SPNS1: variants seen among roughly 807,000 people sequenced by gnomAD.
SPNS1 encodes the protein protein spinster homolog 1.
A neutral mutation model predicts 50.3 loss-of-function variants in SPNS1; 22 were observed. That is an observed-to-expected ratio of 0.44 (90% CI 0.31 to 0.62). The LOEUF (loss-of-function observed/expected upper bound fraction) is 0.62. SPNS1 is among the 20% of genes least tolerant of loss of function. SPNS1 has a pLI of 0.07. For missense variants in SPNS1, 576 were observed against 728.6 expected, an observed-to-expected ratio of 0.79 and a Z score of 2.41; for synonymous variants, 295 against 317.4, an observed-to-expected ratio of 0.93 and a Z score of 0.75.
At chr16:28,978,464 C>G (rs1254894925) in intron 3 of SPNS1, 2 of 172,780 alleles carry the variant, frequency 1.2e-5, no homozygotes, top group African/African-American at 4.7e-5. Context: ...CCACTGACTT[C>G]TGCTCCCACC....
In SPNS1 at chr16:28,979,463, G is replaced by T. The variant is rs565621866; in HGVS notation, c.655G>T (p.Ala219Ser). 4 of 1,614,134 alleles carry T rather than the reference G, an allele frequency of 2.5e-6. No homozygotes were observed. Among genetic ancestry groups the T allele is most frequent in the Non-Finnish European group, 3.4e-6 (4 of 1,180,034 alleles). The change falls in exon 5 of 12, where the codon GCT (alanine) becomes TCT (serine). Residue 219 changes from alanine (A) to serine (S), a missense_variant. Ala to Ser is a moderately conservative substitution (Grantham distance 99, BLOSUM62 1). Around this residue, in one of 3 missense-constraint regions of SPNS1, gnomAD observed 428 missense variants for 520.1 expected, o/e 0.82. Coordinates refer to ENST00000311008, the MANE Select transcript of SPNS1 (RefSeq NM_032038.3). The part of the protein sequence containing the change: ...VKDMAGDWHW[A>S]LRVTPGLGVV... ...GGATATGGCTGGAGACTGGCACTGG[G>T]CTCTGAGGGTGAGTCTGGTCTTGGC...
Position 28,981,797 on chromosome 16 carries a change from G to T in SPNS1, c.810-104G>T. ...CTGGGAGCCAGAACCACCTCTGCAC[G>T]GTGTTGTGACCTTACTAAAATAAGC... On this transcript the variant is annotated intron_variant, in intron 6 of 11. Transcript: ENST00000311008. This position sits in a 1 kb window ranked among gnomAD's most constrained non-coding sequence, Gnocchi z 4.2. 6.5e-7 allele frequency: 1 copy of T among 1,529,040 alleles called. No homozygotes were observed. The allele number at this position is 1,529,040 out of a possible 1,614,324, so 94.7% of individuals were successfully genotyped here. A position where few individuals can be genotyped will look rare whatever the true frequency, so the allele number is the denominator to read the frequency against.
At chr16:28,980,885 G>A (rs532907448) in intron 5 of SPNS1, among the ~76,000 whole-genome samples, 6 of 151,850 alleles carry the variant, frequency 4.0e-5, no homozygotes, top group East Asian at 3.9e-4. Context: ...CAAACAAACC[G>A]TAAGCCCCCT....
At position 28,975,143 on chromosome 16, in the gene SPNS1, C is replaced by A. The variant is rs1249879950; in HGVS notation, c.-9C>A. On this transcript the variant is annotated 5_prime_UTR_variant, in exon 1 of 12. Transcript: ENST00000311008. The stretch of plus-strand genomic sequence containing the variant: ...ACCGGAGCGCGGGCGGGCGCGGCCC[C>A]CCGGGACCATGGCCGGGTCCGACAC... 1.3e-6 allele frequency: 2 copies of A among 1,482,972 alleles called. No individual in the cohort carries two copies. Among genetic ancestry groups the A allele is most frequent in the African/African-American group, 1.4e-5 (1 of 71,200 alleles). The allele number at this position is 1,482,972 out of a possible 1,614,324, so 91.9% of individuals were successfully genotyped here. A position where few individuals can be genotyped will look rare whatever the true frequency, so the allele number is the denominator to read the frequency against.
chr16:28,984,057 C>T (rs946873671), intron 11 of SPNS1, 100 bp downstream of exon 11: 2 of 1,465,416 alleles, frequency 1.4e-6, no homozygotes, highest in African/African-American at 1.4e-5. Context: ...GTCCACAGCC[C>T]TCCCCTTGTT....
In SPNS1 at chr16:28,975,574, C is replaced by A; in HGVS notation, c.307+17C>A. On this transcript the variant is annotated intron_variant, in intron 2 of 11. Coordinates refer to ENST00000311008, the MANE Select transcript of SPNS1 (RefSeq NM_032038.3). The stretch of plus-strand genomic sequence containing the variant: ...TCCAGACCGGTGAGTGGGGACCACT[C>A]CTGGTCACACAGCCGCTCCTCCTTC... The A allele has an allele frequency of 6.2e-7, 1 of 1,613,712 alleles. No homozygotes were observed. Among genetic ancestry groups the A allele is most frequent in the Non-Finnish European group, 8.5e-7 (1 of 1,179,640 alleles).
At position 28,984,349 on chromosome 16, in the gene SPNS1, C is replaced by G. The variant is rs1965682356; in HGVS notation, c.*50C>G. 6.4e-7 allele frequency: 1 copy of G among 1,569,404 alleles called. No individual in the cohort carries two copies. The highest frequency in any genetic ancestry group is 1.1e-5 in the South Asian group (1 of 88,994). On this transcript the variant is annotated 3_prime_UTR_variant, in exon 12 of 12. Coordinates refer to ENST00000311008, the MANE Select transcript of SPNS1 (RefSeq NM_032038.3). ...CATCTGCCACAGCTGGCCCTGGGCCCACCCCACGAAGGGCCTGGGCCTAAC... is the reference window on the plus strand; with the variant it reads ...CATCTGCCACAGCTGGCCCTGGGCCGACCCCACGAAGGGCCTGGGCCTAAC...
chr16:28,984,742 T>A (rs1965698370), downstream of SPNS1: 1 of 906,628 alleles, frequency 1.1e-6, no homozygotes, highest in South Asian at 1.4e-5. Context: ...CGCCCCTGCT[T>A]CCCTGGAGCC....
At chr16:28,977,338 A>AAAAAGT (rs1965379722) in intron 2 of SPNS1, among the ~76,000 whole-genome samples, 1 of 151,848 alleles carries the variant, frequency 6.6e-6, no homozygotes, top group Admixed American at 6.6e-5. Flanking sequence ...AAAAAAGAGA[A>AAAAAGT]AAAAGTAAAT....
At position 28,981,030 on chromosome 16, in the gene SPNS1, T is replaced by C. The variant is rs1596752320; in HGVS notation, c.664-440T>C. Reference sequence around the variant, plus strand: ...TGTGTTAACATCATTCTTAAGGACGTGAGAACTCCAGATGATTACCTTTCC... The same window carrying C: ...TGTGTTAACATCATTCTTAAGGACGCGAGAACTCCAGATGATTACCTTTCC... On this transcript the variant is annotated intron_variant, in intron 5 of 11. Coordinates refer to ENST00000311008, the MANE Select transcript of SPNS1 (RefSeq NM_032038.3). The surrounding 1 kb of genome is among the most constrained non-coding windows in gnomAD (Gnocchi z 4.2). Among the ~76,000 whole-genome samples the C allele has an allele frequency of 6.6e-6, 1 of 152,332 alleles. No individual in the cohort carries two copies. Among genetic ancestry groups the C allele is most frequent in the Middle Eastern group, 3.4e-3 (1 of 294 alleles).
In SPNS1 at chr16:28,983,723, G is replaced by A. The variant is rs11862178; in HGVS notation, c.1321-63G>A. 4,854 of 1,496,952 alleles carry A rather than the reference G, an allele frequency of 3.2e-3. 150 individuals are homozygous for A. In the African/African-American group the frequency reaches 0.06, roughly 18 times the overall value. 92.7% of individuals were successfully genotyped at this position (1,496,952 alleles called of 1,614,324 possible). On this transcript the variant is annotated intron_variant, in intron 10 of 11. Transcript: ENST00000311008. This position sits in a 1 kb window ranked among gnomAD's most constrained non-coding sequence, Gnocchi z 5.4. ...GTCTTTCTCCCTGGAGCTCAGGGGCGTGCCCTCCCTGGTTCATCCATGAGG... is the reference window on the plus strand; with the variant it reads ...GTCTTTCTCCCTGGAGCTCAGGGGCATGCCCTCCCTGGTTCATCCATGAGG...
rs2141666052 is a variant in SPNS1, at chr16:28,978,057, G to A, written c.444+13G>A. 6.2e-7 allele frequency: 1 copy of A among 1,610,874 alleles called. No individual in the cohort carries two copies. Among genetic ancestry groups the A allele is most frequent in the African/African-American group, 1.3e-5 (1 of 74,962 alleles). On this transcript the variant is annotated intron_variant, in intron 3 of 11. Transcript: ENST00000311008. ...CATCCCCGGAGAGGTGAGGCCCCAA[G>A]CTGGCTCCTGTTTCTGCCCACACCC...
chr16:28,979,649 C>T (rs1421073012), intron 5 of SPNS1, 178 bp downstream of exon 5: 11 of 653,910 alleles, frequency 1.7e-5, no homozygotes, highest in African/African-American at 1.8e-5. Flanking sequence ...CGCCTGAGCT[C>T]AAGTGATCCT....
intron 2 of SPNS1, among the ~76,000 whole-genome samples, chr16:28,976,025 A>C (rs1965329204): frequency 3.9e-5 from 6 of 152,186 alleles, no homozygotes; most frequent in Admixed American, 3.9e-4. Flanking sequence ...TAGTCCCAGC[A>C]CTTTGGGAGG....
chr16:28,974,860 C>A lies in SPNS1; in HGVS notation c.-292C>A, dbSNP rs1351974479. 6 of 1,535,410 alleles carry A rather than the reference C, an allele frequency of 3.9e-6. No homozygotes were observed. The Admixed American group carries it at 5.9e-5, about 15-fold the overall frequency. ...ACAGCAAGTGCAGCGGGCTCCTACC[C>A]CGGGTGAGGGGTGGCCTCCGCGTGG... On this transcript the variant is annotated 5_prime_UTR_variant, in exon 1 of 12. Coordinates refer to ENST00000311008, the MANE Select transcript of SPNS1 (RefSeq NM_032038.3).
Position 28,981,217 on chromosome 16 carries a change from G to T in SPNS1, c.664-253G>T, listed in dbSNP as rs1965538884. Among the ~76,000 whole-genome samples the T allele has an allele frequency of 6.6e-6, 1 of 152,188 alleles. No individual in the cohort carries two copies. Among genetic ancestry groups the T allele is most frequent in the Non-Finnish European group, 1.5e-5 (1 of 68,036 alleles). ...CCTGGGATCCTATTTAAACCAAGTG[G>T]ATTGAGAGAAGTAGGGGTACTGGTT... On this transcript the variant is annotated intron_variant, in intron 5 of 11. Transcript: ENST00000311008. This position sits in a 1 kb window ranked among gnomAD's most constrained non-coding sequence, Gnocchi z 4.2.
At chr16:28,979,030 T>C (rs1965442254) in intron 3 of SPNS1, 125 bp from the exon 4 acceptor site, 1 of 1,195,908 alleles carries the variant, frequency 8.4e-7, no homozygotes, top group Admixed American at 2.4e-5. Flanking sequence ...CAAGCTCAGG[T>C]CTGTGTGATT....
In SPNS1 at chr16:28,979,573, C is replaced by T. The variant is rs1251150586; in HGVS notation, c.663+102C>T. On this transcript the variant is annotated intron_variant, in intron 5 of 11. Coordinates refer to ENST00000311008, the MANE Select transcript of SPNS1 (RefSeq NM_032038.3). Reference sequence around the variant, plus strand: ...CACCGCCCATTTTTCTTTTAAGAGACAGGGTCTTGTTGTGTCACCCAGGCT... The same window carrying T: ...CACCGCCCATTTTTCTTTTAAGAGATAGGGTCTTGTTGTGTCACCCAGGCT... 5.5e-6 allele frequency: 7 copies of T among 1,282,276 alleles called. No individual in the cohort carries two copies. The South Asian group carries it at 6.1e-5, about 11-fold the overall frequency. The allele number at this position is 1,282,276 out of a possible 1,614,324, so 79.4% of individuals were successfully genotyped here.
chr16:28,983,752 A>T lies in SPNS1; in HGVS notation c.1321-34A>T. ...CCTCCCTGGTTCATCCATGAGGCTG[A>T]CTCCCCTGGCTTTCCTGTCTCCTCT... On this transcript the variant is annotated intron_variant, in intron 10 of 11. Coordinates refer to ENST00000311008, the MANE Select transcript of SPNS1 (RefSeq NM_032038.3). The surrounding 1 kb of genome is among the most constrained non-coding windows in gnomAD (Gnocchi z 5.4). 6.5e-7 allele frequency: 1 copy of T among 1,535,942 alleles called. No homozygotes were observed. Among genetic ancestry groups the T allele is most frequent in the East Asian group, 2.3e-5 (1 of 43,616 alleles).
Sources: gnomAD v4.1 joint callset for allele counts (sites outside exome capture counted in the v4.1 genomes callset) on GRCh38, gnomAD v4.1.1 for gene constraint, gnomAD v4.1.1 regional missense constraint, Gnocchi (gnomAD v3.1) non-coding constraint, MANE v1.5 for transcripts, NCBI Gene and HGNC (gene_info 2026-07-23, HGNC 2026-07-21) for gene names.